TNIK: variants seen among roughly 807,000 people sequenced by gnomAD.
TNIK encodes the protein TRAF2 and NCK interacting kinase.
In TNIK, 49 loss-of-function variants were observed where a neutral mutation model predicts 191.3. The observed-to-expected ratio is 0.26, with a 90% CI of 0.20 to 0.32. The LOEUF (loss-of-function observed/expected upper bound fraction) is 0.32, where lower values mean the gene tolerates loss of function less well. Among genes scored for constraint, TNIK ranks in the 10% least tolerant of loss-of-function variants. The probability of loss-of-function intolerance (pLI) is 1.00; values close to 1 mark genes in which losing one functional copy is unlikely to be tolerated. For synonymous variants in TNIK, 594 were observed against 600.9 expected (o/e 0.99, Z 0.17); for missense variants, 1,155 against 1,702.3 (o/e 0.68, Z 5.66).
chr3:171,386,384 A>T (rs1030037073), intron 1 of TNIK, among the ~76,000 whole-genome samples: 14 of 152,168 alleles, frequency 9.2e-5, no homozygotes, highest in Admixed American at 2.0e-4. Context: ...GTGTTTTTTA[A>T]TATGTTAAAT....
intron 1 of TNIK, among the ~76,000 whole-genome samples, chr3:171,424,532 A>C (rs140763437): frequency 2.0e-5 from 3 of 152,164 alleles, no homozygotes; most frequent in African/African-American, 7.2e-5. Context: ...ACACATGCAC[A>C]CGGATGTTTA....
At chr3:171,257,180 A>T (rs973402009) in intron 2 of TNIK, among the ~76,000 whole-genome samples, 1 of 152,174 alleles carries the variant, frequency 6.6e-6, no homozygotes, top group African/African-American at 2.4e-5. Flanking sequence ...GGTCCTAGAG[A>T]CTTAGAAGAA....
intron 17 of TNIK, 47 bp from the exon 18 acceptor site, chr3:171,123,749 A>G (rs1375938525): frequency 1.4e-6 from 2 of 1,450,598 alleles, no homozygotes; most frequent in East Asian, 2.5e-5. Flanking sequence ...AGTAGCTTCC[A>G]TAGCCTGTTG....
At chr3:171,278,105 C>T (rs182584693) in intron 2 of TNIK, among the ~76,000 whole-genome samples, 20 of 152,264 alleles carry the variant, frequency 1.3e-4, no homozygotes, top group Non-Finnish European at 2.2e-4. Context: ...CCGATGGGGA[C>T]GAACATGACA....
chr3:171,246,903 T>C (rs745724436), intron 2 of TNIK, among the ~76,000 whole-genome samples: 7 of 152,162 alleles, frequency 4.6e-5, no homozygotes, highest in Non-Finnish European at 1.0e-4. Context: ...GTAGCAAAAG[T>C]AGGACTTTAA....
Position 171,134,667 on chromosome 3 carries a change from G to T in TNIK, c.1608+3524C>A, listed in dbSNP as rs191301076. ...ACATCCAGGACAGAAAGAATACTCA[G>T]TAAAAGGAGGGAGAGAAGAGCTCAA... On this transcript the variant is annotated intron_variant, in intron 15 of 32. Coordinates refer to ENST00000436636, the MANE Select transcript of TNIK (RefSeq NM_015028.4). 3.1e-3 allele frequency among the ~76,000 whole-genome samples: 477 copies of T among 152,258 alleles called. 3 individuals carry two copies. Among genetic ancestry groups the T allele is most frequent in the Non-Finnish European group, 3.7e-3 (253 of 68,008 alleles).
intron 15 of TNIK, among the ~76,000 whole-genome samples, chr3:171,129,374 C>T (rs1397354281): frequency 6.6e-6 from 1 of 152,220 alleles, no homozygotes; most frequent in Non-Finnish European, 1.5e-5. Context: ...ACGTGTCCTA[C>T]TGATAGACAA....
At chr3:171,412,098 A>T (rs1457338867) in intron 1 of TNIK, among the ~76,000 whole-genome samples, 2 of 152,192 alleles carry the variant, frequency 1.3e-5, no homozygotes, top group African/African-American at 4.8e-5. Context: ...GCAAAGTCCA[A>T]AAACAAGGTA....
intron 1 of TNIK, among the ~76,000 whole-genome samples, chr3:171,409,985 G>A (rs1029430286): frequency 7.3e-5 from 11 of 151,588 alleles, no homozygotes; most frequent in African/African-American, 2.7e-4. Flanking sequence ...CCAGAGAAAG[G>A]GAAATTTATA....
intron 2 of TNIK, among the ~76,000 whole-genome samples, chr3:171,342,316 T>C (rs1757618917): frequency 6.6e-6 from 1 of 152,208 alleles, no homozygotes; most frequent in Non-Finnish European, 1.5e-5. Flanking sequence ...CCCAGGAACA[T>C]ATTTTGAGAA....
At chr3:171,065,386 G>A (rs1718306454) in intron 32 of TNIK, among the ~76,000 whole-genome samples, 1 of 152,126 alleles carries the variant, frequency 6.6e-6, no homozygotes, top group Non-Finnish European at 1.5e-5. Context: ...GGGGAACTGG[G>A]GTGGACAAAG....
At chr3:171,318,878 C>T (rs139030360) in intron 2 of TNIK, among the ~76,000 whole-genome samples, 27 of 152,124 alleles carry the variant, frequency 1.8e-4, no homozygotes, top group Non-Finnish European at 2.6e-4. Flanking sequence ...TTAAAAATTA[C>T]ATGCCGGCCA....
At chr3:171,104,145 G>GAAT (rs1289933074) in intron 21 of TNIK, among the ~76,000 whole-genome samples, 1 of 152,008 alleles carries the variant, frequency 6.6e-6, no homozygotes, top group Non-Finnish European at 1.5e-5. Flanking sequence ...TAAAAATAAT[G>GAAT]AATAATTCCA....
chr3:171,198,492 A>T (rs183692458), intron 4 of TNIK, among the ~76,000 whole-genome samples: 70 of 152,280 alleles, frequency 4.6e-4, no homozygotes, highest in African/African-American at 1.6e-3. Flanking sequence ...CATTGTGACT[A>T]TATTTAATGA....
chr3:171,289,543 C>A (rs957414477), intron 2 of TNIK, among the ~76,000 whole-genome samples: 4 of 152,124 alleles, frequency 2.6e-5, no homozygotes, highest in Non-Finnish European at 5.9e-5. Context: ...CAGTTCAGTT[C>A]TGGAACACTT....
chr3:171,094,289 C>T (rs916658792), intron 22 of TNIK, among the ~76,000 whole-genome samples: 1 of 152,156 alleles, frequency 6.6e-6, no homozygotes, highest in South Asian at 2.1e-4. Context: ...CGCCCACCAC[C>T]ACGCCCAGCT....
intron 1 of TNIK, among the ~76,000 whole-genome samples, chr3:171,385,434 GAA>G (rs1216622409): frequency 1.3e-5 from 2 of 152,120 alleles, no homozygotes; most frequent in Admixed American, 6.5e-5. Context: ...TTTGCTGGAG[GAA>G]CCTCCATCAT....
At chr3:171,376,280 G>T (rs935340455) in intron 1 of TNIK, among the ~76,000 whole-genome samples, 8 of 152,126 alleles carry the variant, frequency 5.3e-5, no homozygotes, top group African/African-American at 1.9e-4. Flanking sequence ...ACAACCCCCA[G>T]ATTCTAGTTT....
At chr3:171,441,312 C>A (rs1726772638) in intron 1 of TNIK, among the ~76,000 whole-genome samples, 1 of 152,184 alleles carries the variant, frequency 6.6e-6, no homozygotes, top group African/African-American at 2.4e-5. Flanking sequence ...ACAGGCACTC[C>A]CTGTTTTCCT....
Sources: allele counts gnomAD v4.1 joint callset (sites outside exome capture counted in the v4.1 genomes callset), GRCh38; gene constraint gnomAD v4.1.1; transcripts MANE v1.5; gene names NCBI Gene and HGNC (gene_info 2026-07-23, HGNC 2026-07-21).